The following ZDHHC20 variants were observed in gnomAD, a reference collection of about 807,000 sequenced individuals.
ZDHHC20 encodes the protein palmitoyltransferase ZDHHC20.
A neutral mutation model predicts 57.8 loss-of-function variants in ZDHHC20; 43 were observed. The ratio of observed to expected loss-of-function variants is 0.74; its 90% CI spans 0.58 to 0.96. ZDHHC20 has a LOEUF of 0.96. ZDHHC20 is among the 40% of genes least tolerant of loss of function. ZDHHC20 has a pLI of 0.00. For missense variants in ZDHHC20, 391 were observed against 441.1 expected (o/e 0.89, Z 1.02); for synonymous variants, 157 against 153.0 (o/e 1.03, Z -0.19).
intron 9 of ZDHHC20, among the ~76,000 whole-genome samples, chr13:21,383,984 T>C (rs574947812): frequency 6.6e-5 from 10 of 152,124 alleles, no homozygotes; most frequent in African/African-American, 1.9e-4. Context: ...TACGAAATAA[T>C]TGTTTTCAAA....
rs760601580 is a variant in ZDHHC20, at chr13:21,381,524, T to C, written c.970A>G (p.Ile324Val). 2 of 1,613,618 alleles carry C rather than the reference T, an allele frequency of 1.2e-6. No individual in the cohort carries two copies. Among genetic ancestry groups the C allele is most frequent in the Admixed American group, 1.7e-5 (1 of 59,988 alleles). Residue 324 changes from isoleucine to valine, a missense_variant, in exon 11 of 13, where the codon ATC (isoleucine) becomes GTC (valine). Physicochemically the swap from Ile to Val is conservative, Grantham distance 29. Coordinates refer to ENST00000400590, the MANE Select transcript of ZDHHC20 (RefSeq NM_001330059.2). ...RSSGSNQPFP[I>V]KPLSESKNRL... Reference sequence around the variant, plus strand: ...TTTTTTGATTCACTAAGTGGTTTGATAGGAAAAGGTTGATTTGAGCCACTA... The same window carrying C: ...TTTTTTGATTCACTAAGTGGTTTGACAGGAAAAGGTTGATTTGAGCCACTA...
intron 3 of ZDHHC20, among the ~76,000 whole-genome samples, chr13:21,414,055 G>A (rs1016398777): frequency 1.3e-5 from 2 of 152,114 alleles, no homozygotes; most frequent in South Asian, 2.1e-4. Flanking sequence ...CACAGGAAAG[G>A]CTTAATATAT....
At chr13:21,453,779 C>T (rs779201647) in intron 1 of ZDHHC20, among the ~76,000 whole-genome samples, 4 of 152,078 alleles carry the variant, frequency 2.6e-5, no homozygotes, top group Non-Finnish European at 5.9e-5. Context: ...TGCAGTGAGC[C>T]GAGATTGCGC....
At chr13:21,395,783 AGCCACCGC>A (rs1876687441) in intron 7 of ZDHHC20, among the ~76,000 whole-genome samples, 1 of 151,998 alleles carries the variant, frequency 6.6e-6, no homozygotes, top group African/African-American at 2.4e-5. Context: ...TACAGGCATA[AGCCACCGC>A]GCCCCAACCC....
chr13:21,419,419 C>A (rs1373716987), intron 3 of ZDHHC20, among the ~76,000 whole-genome samples: 2 of 152,214 alleles, frequency 1.3e-5, no homozygotes, highest in African/African-American at 4.8e-5. Flanking sequence ...ATGTTTATAG[C>A]AGCCCTATTT....
Position 21,434,795 on chromosome 13 carries a change from C to T in ZDHHC20, c.119-9117G>A, listed in dbSNP as rs116583042. Among the ~76,000 whole-genome samples, 1,291 of 149,974 alleles carry T rather than the reference C, an allele frequency of 8.6e-3. 15 individuals are homozygous for T. The highest frequency in any genetic ancestry group is 0.03 in the African/African-American group (1,219 of 40,782). ...AGACATCCTTTTTTTTTTTTTAAAGCATTGCACAATATTCCGTTGTGTGGA... is the reference window on the plus strand; with the variant it reads ...AGACATCCTTTTTTTTTTTTTAAAGTATTGCACAATATTCCGTTGTGTGGA... On this transcript the variant is annotated intron_variant, in intron 1 of 12. Coordinates refer to ENST00000400590, the MANE Select transcript of ZDHHC20 (RefSeq NM_001330059.2).
chr13:21,435,006 C>T (rs759161414), intron 1 of ZDHHC20, among the ~76,000 whole-genome samples: 2 of 152,138 alleles, frequency 1.3e-5, no homozygotes, highest in African/African-American at 2.4e-5. Context: ...ATGTCTTTAG[C>T]TTTTTGCAAA....
At chr13:21,438,101 T>TG (rs1329330334) in intron 1 of ZDHHC20, among the ~76,000 whole-genome samples, 1 of 152,232 alleles carries the variant, frequency 6.6e-6, no homozygotes, top group Non-Finnish European at 1.5e-5. Context: ...AGGACTCTGA[T>TG]GGAGATGTAC....
rs752438973 is a variant in ZDHHC20, at chr13:21,401,703, A to AT, written c.441-19dup. ...GAATACATCTAGGAAACAAACAAGC[A>AT]TAAGAAAATCCATGCAGAAAAATTC... On this transcript the variant is annotated intron_variant, in intron 5 of 12. Transcript: ENST00000400590. The AT allele has an allele frequency of 3.0e-5, 45 of 1,491,664 alleles. No homozygotes were observed. The highest frequency in any genetic ancestry group is 3.8e-5 in the Non-Finnish European group (43 of 1,126,150). 92.4% of individuals were successfully genotyped at this position (1,491,664 alleles called of 1,614,324 possible).
At position 21,457,008 on chromosome 13, in the gene ZDHHC20, G is replaced by T. The variant is rs80066963; in HGVS notation, c.118+2046C>A. On this transcript the variant is annotated intron_variant, in intron 1 of 12. Transcript: ENST00000400590. ...AAAGGACCTATTCGCTCAGTCTCAC[G>T]TCCTCCACCTGTAGAGATACCTATG... is the stretch of plus-strand genomic sequence containing the variant. Among the ~76,000 whole-genome samples, 3 of 152,256 alleles carry T rather than the reference G, an allele frequency of 2.0e-5. No homozygotes were observed. The South Asian group carries it at 6.2e-4, about 32-fold the overall frequency.
intron 4 of ZDHHC20, among the ~76,000 whole-genome samples, chr13:21,412,887 G>C (rs1879401620): frequency 7.3e-6 from 1 of 136,944 alleles, no homozygotes; most frequent in Non-Finnish European, 1.5e-5. Flanking sequence ...GAAATCACTT[G>C]AACCCTGGGG....
chr13:21,380,901 T>C (rs536326513), intron 11 of ZDHHC20, among the ~76,000 whole-genome samples: 181 of 152,178 alleles, frequency 1.2e-3, no homozygotes, highest in African/African-American at 4.1e-3. Flanking sequence ...TGCAGTTGCA[T>C]AGAAGAAAAC....
chr13:21,396,047 A>G (rs892202542), intron 7 of ZDHHC20, among the ~76,000 whole-genome samples: 15 of 152,254 alleles, frequency 9.9e-5, no homozygotes, highest in African/African-American at 3.6e-4. Context: ...GTACAAGACA[A>G]CTAGAGATAG....
At chr13:21,400,330 T>TA (rs769670824) in intron 7 of ZDHHC20, 43 bp downstream of exon 7, 1 of 1,508,642 alleles carries the variant, frequency 6.6e-7, no homozygotes, top group Admixed American at 2.5e-5. Context: ...GATAGCATCT[T>TA]AAAGTCTTAA....
chr13:21,390,416 A>G (rs1309124445), intron 8 of ZDHHC20, among the ~76,000 whole-genome samples: 1 of 152,146 alleles, frequency 6.6e-6, no homozygotes, highest in Non-Finnish European at 1.5e-5. Flanking sequence ...TTTTCCCCCT[A>G]TATTTTCATT....
At chr13:21,442,814 A>G (rs1883317122) in intron 1 of ZDHHC20, among the ~76,000 whole-genome samples, 1 of 151,512 alleles carries the variant, frequency 6.6e-6, no homozygotes, top group African/African-American at 2.4e-5. Context: ...ATATTTATTT[A>G]TATTTATGTC....
At chr13:21,382,868 A>T in intron 10 of ZDHHC20, 52 bp downstream of exon 10, 3 of 1,398,988 alleles carry the variant, frequency 2.1e-6, no homozygotes, top group Non-Finnish European at 3.0e-6. Context: ...CAACACATGT[A>T]TACGGTTTGC....
chr13:21,389,933 G>A (rs1875353208), intron 8 of ZDHHC20, among the ~76,000 whole-genome samples: 1 of 152,140 alleles, frequency 6.6e-6, no homozygotes, highest in South Asian at 2.1e-4. Context: ...TCAATTAAAG[G>A]TAAAGAGATG....
chr13:21,423,470 G>A (rs1448293182), intron 2 of ZDHHC20, among the ~76,000 whole-genome samples: 4 of 152,036 alleles, frequency 2.6e-5, no homozygotes, highest in Non-Finnish European at 4.4e-5. Context: ...GAGGTCAGGA[G>A]TTCAAGACCA....
Sources: allele counts gnomAD v4.1 joint callset (sites outside exome capture counted in the v4.1 genomes callset), GRCh38; gene constraint gnomAD v4.1.1; transcripts MANE v1.5; gene names NCBI Gene and HGNC (gene_info 2026-07-23, HGNC 2026-07-21).